The following UBE2K variants were observed in gnomAD, a reference collection of about 807,000 sequenced individuals.
UBE2K encodes the protein ubiquitin conjugating enzyme E2 K.
UBE2K carries 6 observed loss-of-function variants against 30.0 expected under a neutral mutation model. That is an observed-to-expected ratio of 0.20 (90% CI 0.11 to 0.39). The LOEUF (loss-of-function observed/expected upper bound fraction) is 0.39, where lower values mean the gene tolerates loss of function less well. UBE2K is among the 10% of genes least tolerant of loss of function. UBE2K has a pLI of 1.00. For missense variants in UBE2K, 61 were observed against 241.6 expected (o/e 0.25, Z 4.96); for synonymous variants, 86 against 83.7 (o/e 1.03, Z -0.15).
rs562992260 is a variant in UBE2K, at chr4:39,716,119, A to G, written c.63+17729A>G. 4.3e-4 allele frequency among the ~76,000 whole-genome samples: 65 copies of G among 152,204 alleles called. No homozygotes were observed. The East Asian group carries it at 6.8e-3, about 16-fold the overall frequency. ...TGATTTTCCTCTAACCTCTGTTACT[A>G]TCCTTTATAAAATATTGTCACTGAT... is the stretch of plus-strand genomic sequence containing the variant. On this transcript the variant is annotated intron_variant, in intron 1 of 6. Coordinates refer to ENST00000261427, the MANE Select transcript of UBE2K (RefSeq NM_005339.5).
Position 39,779,051 on chromosome 4 carries a change from A to AC in UBE2K, c.*622dup, listed in dbSNP as rs891591539. The AC allele has an allele frequency of 5.4e-4, 44 of 81,366 alleles. No individual in the cohort carries two copies. Among genetic ancestry groups the AC allele is most frequent in the African/African-American group, 2.0e-3 (42 of 21,518 alleles). The allele number at this position is 81,366 out of a possible 1,614,324, so 5.0% of individuals were successfully genotyped here. A position where few individuals can be genotyped will look rare whatever the true frequency, so the allele number is the denominator to read the frequency against. ...GTCTGATTCCCCCTTCACCCCCCCC[A>AC]CCCCCGCCTTGCCACACACAGCTAA... On this transcript the variant is annotated 3_prime_UTR_variant, in exon 7 of 7. Coordinates refer to ENST00000261427, the MANE Select transcript of UBE2K (RefSeq NM_005339.5).
At chr4:39,773,917 C>A (rs944036462) in intron 4 of UBE2K, among the ~76,000 whole-genome samples, 6 of 151,114 alleles carry the variant, frequency 4.0e-5, no homozygotes, top group Admixed American at 4.0e-4. Context: ...TGAGACTCCG[C>A]CTCAAAACTA....
At chr4:39,724,823 C>T (rs187544403) in intron 1 of UBE2K, among the ~76,000 whole-genome samples, 24 of 151,384 alleles carry the variant, frequency 1.6e-4, no homozygotes, top group Admixed American at 1.1e-3. Flanking sequence ...AACTGAGATA[C>T]ATAAGCCTTT....
At chr4:39,732,730 C>T (rs967424708) in intron 1 of UBE2K, among the ~76,000 whole-genome samples, 2 of 131,792 alleles carry the variant, frequency 1.5e-5, no homozygotes, top group African/African-American at 6.1e-5. Flanking sequence ...GGCTGGAGTG[C>T]AGTGGTGTGA....
intron 1 of UBE2K, among the ~76,000 whole-genome samples, chr4:39,721,691 G>GA (rs1367218179): frequency 6.6e-6 from 1 of 152,116 alleles, no homozygotes; most frequent in African/African-American, 2.4e-5. Flanking sequence ...ATTTTGAAGA[G>GA]AAAAGTCGAA....
At chr4:39,736,562 G>A (rs1720393321) in intron 1 of UBE2K, among the ~76,000 whole-genome samples, 2 of 152,208 alleles carry the variant, frequency 1.3e-5, no homozygotes, top group East Asian at 3.8e-4. Flanking sequence ...TAAGTGGAGA[G>A]CCCATTTGCT....
At chr4:39,736,233 C>T (rs1468402274) in intron 1 of UBE2K, among the ~76,000 whole-genome samples, 2 of 152,056 alleles carry the variant, frequency 1.3e-5, no homozygotes, top group Non-Finnish European at 2.9e-5. Flanking sequence ...GAGGCCAAGG[C>T]GGGCGTATCG....
intron 1 of UBE2K, among the ~76,000 whole-genome samples, chr4:39,705,835 A>G (rs538639450): frequency 4.7e-5 from 7 of 148,330 alleles, no homozygotes; most frequent in African/African-American, 1.7e-4. Flanking sequence ...GATTACAGGC[A>G]TGCGCCACCA....
At chr4:39,766,739 T>G (rs1712364156) in intron 4 of UBE2K, among the ~76,000 whole-genome samples, 1 of 151,958 alleles carries the variant, frequency 6.6e-6, no homozygotes, top group Non-Finnish European at 1.5e-5. Context: ...TATTTCTAAT[T>G]TTTATTATTT....
intron 1 of UBE2K, among the ~76,000 whole-genome samples, chr4:39,724,511 C>CT (rs369318609): frequency 6.5e-4 from 88 of 135,212 alleles, no homozygotes; most frequent in African/African-American, 2.2e-3. Context: ...CTTTGGGAGG[C>CT]TGAGGCAGGT....
At chr4:39,772,377 T>C (rs1458551749) in intron 4 of UBE2K, among the ~76,000 whole-genome samples, 1 of 140,540 alleles carries the variant, frequency 7.1e-6, no homozygotes, top group Non-Finnish European at 1.5e-5. Flanking sequence ...CTGGGTAACA[T>C]GGTGAAACCC....
chr4:39,701,326 A>C (rs1173180984), intron 1 of UBE2K, among the ~76,000 whole-genome samples: 1 of 152,182 alleles, frequency 6.6e-6, no homozygotes, highest in African/African-American at 2.4e-5. Flanking sequence ...TGAGGATATA[A>C]ACCCATAATC....
At position 39,738,507 on chromosome 4, in the gene UBE2K, A is replaced by G. The variant is rs554883546; in HGVS notation, c.157+994A>G. Among the ~76,000 whole-genome samples, 48 of 152,164 alleles carry G rather than the reference A, an allele frequency of 3.2e-4. 1 individual carries two copies. The South Asian group carries it at 8.1e-3, about 26-fold the overall frequency. On this transcript the variant is annotated intron_variant, in intron 2 of 6. Coordinates refer to ENST00000261427, the MANE Select transcript of UBE2K (RefSeq NM_005339.5). ...TCTGTTTTGTTTTATCTATTTTTTT[A>G]TATGCAAAGTTTTACTGTTACCCAA...
At chr4:39,762,809 A>G (rs1712043283) in intron 4 of UBE2K, among the ~76,000 whole-genome samples, 1 of 150,308 alleles carries the variant, frequency 6.7e-6, no homozygotes, top group South Asian at 2.1e-4. Context: ...TAGTTTTTGT[A>G]TTTTTAGTGA....
chr4:39,769,365 G>GC (rs1160779676), intron 4 of UBE2K, among the ~76,000 whole-genome samples: 2 of 150,418 alleles, frequency 1.3e-5, no homozygotes, highest in Non-Finnish European at 3.0e-5. Flanking sequence ...CCTCCCAACA[G>GC]CCCTTCTTGT....
Position 39,770,779 on chromosome 4 carries a change from G to T in UBE2K, c.300-4055G>T. ...CCCAGGCCTCCAGGGGGCTTGAGCC[G>T]GTGTGCGATGTCCAGGGCCGACTCC... On this transcript the variant is annotated intron_variant, in intron 4 of 6. Coordinates refer to ENST00000261427, the MANE Select transcript of UBE2K (RefSeq NM_005339.5). 1.9e-6 allele frequency: 3 copies of T among 1,580,438 alleles called. 1 individual carries two copies. In the South Asian group the frequency reaches 3.5e-5, roughly 18 times the overall value.
At chr4:39,715,347 T>G (rs142700585) in intron 1 of UBE2K, among the ~76,000 whole-genome samples, 6 of 151,690 alleles carry the variant, frequency 4.0e-5, no homozygotes, top group African/African-American at 1.5e-4. Flanking sequence ...TTAAAAAAAA[T>G]TTTTGTAGAG....
At chr4:39,759,433 C>T (rs1711736268) in intron 4 of UBE2K, among the ~76,000 whole-genome samples, 1 of 152,036 alleles carries the variant, frequency 6.6e-6, no homozygotes. Flanking sequence ...AGGCATGTGC[C>T]ACCACGCCCA....
intron 1 of UBE2K, 147 bp downstream of exon 1, chr4:39,698,537 TC>T: frequency 1.4e-6 from 1 of 731,198 alleles, no homozygotes; most frequent in South Asian, 1.7e-5. Context: ...GTTCCCCTCC[TC>T]CTTCCGCCGC....
Sources: gnomAD v4.1 joint callset for allele counts (sites outside exome capture counted in the v4.1 genomes callset) on GRCh38, gnomAD v4.1.1 for gene constraint, MANE v1.5 for transcripts, NCBI Gene and HGNC (gene_info 2026-07-23, HGNC 2026-07-21) for gene names.